The following SLC44A1 variants were observed in gnomAD, a reference collection of about 807,000 sequenced individuals.
SLC44A1 encodes choline transporter-like protein 1.
A neutral mutation model predicts 79.3 loss-of-function variants in SLC44A1; 26 were observed. That is an observed-to-expected ratio of 0.33 (90% CI 0.24 to 0.46). The LOEUF is 0.46. Ranked by LOEUF, SLC44A1 falls within the 20% of genes least tolerant of loss-of-function variation. SLC44A1 has a pLI of 1.00. For missense variants in SLC44A1, 688 were observed against 798.1 expected (o/e 0.86, Z 1.66); for synonymous variants, 263 against 286.2 (o/e 0.92, Z 0.82).
At chr9:105,299,332 T>C in intron 2 of SLC44A1, 23 bp downstream of exon 2, 1 of 1,508,720 alleles carries the variant, frequency 6.6e-7, no homozygotes, top group East Asian at 2.4e-5. Flanking sequence ...TCACAGATGG[T>C]CCAAACTGGA....
chr9:105,280,677 A>G (rs1262042773), intron 1 of SLC44A1, among the ~76,000 whole-genome samples: 1 of 152,204 alleles, frequency 6.6e-6, no homozygotes, highest in Non-Finnish European at 1.5e-5. Flanking sequence ...ATTTGGCTGT[A>G]CAAAAATTTG....
chr9:105,373,190 A>G (rs1048878911), intron 12 of SLC44A1, among the ~76,000 whole-genome samples: 7 of 152,184 alleles, frequency 4.6e-5, no homozygotes, highest in African/African-American at 1.7e-4. Context: ...TAGACAACAC[A>G]GTATAAAGTA....
intron 8 of SLC44A1, among the ~76,000 whole-genome samples, chr9:105,361,879 C>T (rs1489099132): frequency 2.0e-5 from 3 of 152,044 alleles, no homozygotes; most frequent in East Asian, 3.9e-4. Context: ...ATAGTGAGAC[C>T]CTGTCTTCAC....
Position 105,383,304 on chromosome 9 carries a change from C to T in SLC44A1, c.1814C>T (p.Thr605Ile), listed in dbSNP as rs1254588109. 1.9e-6 allele frequency: 3 copies of T among 1,613,434 alleles called. No homozygotes were observed. Among genetic ancestry groups the T allele is most frequent in the East Asian group, 2.2e-5 (1 of 44,874 alleles). Residue 605 changes from threonine to isoleucine, a missense_variant, in exon 14 of 16, where the codon ACA (threonine) becomes ATA (isoleucine). Thr to Ile is a moderately conservative substitution (Grantham distance 89). Transcript: ENST00000374720. The stretch of plus-strand genomic sequence containing the variant: ...TTATTCTTGTGTTTTGCCATTGATA[C>T]AAAATACAATGATGGGAGCCCTGGC... ...DVLFLCFAID[T>I]KYNDGSPGRE...
chr9:105,404,978 T>C (rs1829010022), intron 15 of SLC44A1, among the ~76,000 whole-genome samples: 1 of 152,164 alleles, frequency 6.6e-6, no homozygotes, highest in South Asian at 2.1e-4. Flanking sequence ...GCCAAGAATA[T>C]AAAAGTGAAC....
intron 1 of SLC44A1, among the ~76,000 whole-genome samples, chr9:105,287,234 T>C (rs993855908): frequency 1.3e-5 from 2 of 152,240 alleles, no homozygotes; most frequent in African/African-American, 4.8e-5. Context: ...CAAAACATCA[T>C]GTTGTACACC....
intron 1 of SLC44A1, among the ~76,000 whole-genome samples, chr9:105,251,092 G>T (rs1400578495): frequency 6.6e-6 from 1 of 152,098 alleles, no homozygotes; most frequent in Non-Finnish European, 1.5e-5. Flanking sequence ...CTAAATTACT[G>T]TCCTGGTCGC....
chr9:105,364,374 A>G (rs1046553925), intron 9 of SLC44A1, among the ~76,000 whole-genome samples, 181 bp from the exon 10 acceptor site: 6 of 152,230 alleles, frequency 3.9e-5, no homozygotes, highest in Non-Finnish European at 1.5e-5. Flanking sequence ...AAAATGCATA[A>G]TAGTACAATT....
At chr9:105,358,467 C>T (rs2131403404) in intron 7 of SLC44A1, 34 bp downstream of exon 7, 2 of 1,045,108 alleles carry the variant, frequency 1.9e-6, no homozygotes, top group East Asian at 4.7e-5. Context: ...TCTACCTCAG[C>T]CTCTTAACTA....
chr9:105,335,582 C>A lies in SLC44A1; in HGVS notation c.289C>A (p.Pro97Thr). The A allele has an allele frequency of 6.2e-7, 1 of 1,611,378 alleles. No homozygotes were observed. Among genetic ancestry groups the A allele is most frequent in the South Asian group, 1.1e-5 (1 of 90,604 alleles). ...CTTTAGGTATGTATTCTTTTTGGAT[C>A]CATGCAACCTGGACTTGATAAACCG... Reference protein sequence around the residue: ...TQRKYVFFLDPCNLDLINRKI... With the variant: ...TQRKYVFFLDTCNLDLINRKI... The change falls in exon 4 of 16, where the codon CCA becomes ACA. Residue 97 changes from proline (P) to threonine (T), a missense_variant. Pro to Thr is a conservative substitution (Grantham distance 38, BLOSUM62 -1). Coordinates refer to ENST00000374720, the MANE Select transcript of SLC44A1 (RefSeq NM_080546.5).
intron 1 of SLC44A1, among the ~76,000 whole-genome samples, chr9:105,265,570 T>G (rs1829943165): frequency 6.6e-6 from 1 of 152,254 alleles, no homozygotes; most frequent in Non-Finnish European, 1.5e-5. Flanking sequence ...GGATGATTAT[T>G]AATAAAGCTC....
In SLC44A1 at chr9:105,369,823, C is replaced by G. The variant is rs376494835; in HGVS notation, c.1494+3394C>G. Among the ~76,000 whole-genome samples, 3 of 152,316 alleles carry G rather than the reference C, an allele frequency of 2.0e-5. No individual in the cohort carries two copies. In the East Asian group the frequency reaches 5.8e-4, roughly 29 times the overall value. On this transcript the variant is annotated intron_variant, in intron 12 of 15. Coordinates refer to ENST00000374720, the MANE Select transcript of SLC44A1 (RefSeq NM_080546.5). ...GGACAGATGGCCACACAGGCCTGTTCCATGCATGGTGACCCTCTGCCCTAA... is the reference window on the plus strand; with the variant it reads ...GGACAGATGGCCACACAGGCCTGTTGCATGCATGGTGACCCTCTGCCCTAA...
chr9:105,407,399 A>C (rs1403118953), intron 15 of SLC44A1, among the ~76,000 whole-genome samples: 1 of 152,242 alleles, frequency 6.6e-6, no homozygotes, highest in Non-Finnish European at 1.5e-5. Context: ...TTGACAAAGA[A>C]ACATAGAAAA....
Position 105,309,819 on chromosome 9 carries a change from A to G in SLC44A1, c.222A>G (p.Thr74=), listed in dbSNP as rs1831130178. 8 of 1,613,868 alleles carry G rather than the reference A, an allele frequency of 5.0e-6. No homozygotes were observed. The highest frequency in any genetic ancestry group is 3.3e-5 in the South Asian group (3 of 91,074). The change falls in exon 3 of 16, where the codon ACA becomes ACG. Residue 74 remains threonine (T), a synonymous_variant. Coordinates refer to ENST00000374720, the MANE Select transcript of SLC44A1 (RefSeq NM_080546.5). ...GAAATATCTGTGGGCAGAAAAATAC[A>G]AAGTTGGAAGCAATACCAAACAGTG... ...SYGNICGQKN[T]KLEAIPNSGM...
chr9:105,375,026 TG>T (rs948451755), intron 13 of SLC44A1, among the ~76,000 whole-genome samples: 16 of 152,180 alleles, frequency 1.1e-4, no homozygotes, highest in East Asian at 3.8e-4. Flanking sequence ...CTTTCTGTGT[TG>T]TTTTTTTGTT....
At chr9:105,427,041 T>C (rs531003126) in intron 15 of SLC44A1, among the ~76,000 whole-genome samples, 1 of 152,190 alleles carries the variant, frequency 6.6e-6, no homozygotes, top group African/African-American at 2.4e-5. Flanking sequence ...GCTCAAGCAG[T>C]TCTCCCATCT....
rs1554689835 is a variant in SLC44A1 at position 105,394,439 on chromosome 9, G to GTT, written c.*5384_*5385insTT. On this transcript the variant is annotated 3_prime_UTR_variant, in exon 16 of 16. Transcript: ENST00000374720. ...TGTGTATGTGTGTGTGTGTGTGTGT[G>GTT]TGTTTGTGTGTGTGTGTGTGTGTCC... The GTT allele has an allele frequency of 2.4e-6, 2 of 842,550 alleles. No homozygotes were observed. Among genetic ancestry groups the GTT allele is most frequent in the Non-Finnish European group, 2.7e-6 (2 of 735,608 alleles). 52.2% of individuals were successfully genotyped at this position (842,550 alleles called of 1,614,324 possible).
At chr9:105,335,263 G>GA (rs1216096962) in intron 3 of SLC44A1, among the ~76,000 whole-genome samples, 9 of 151,890 alleles carry the variant, frequency 5.9e-5, no homozygotes, top group Non-Finnish European at 1.5e-5. Flanking sequence ...GACAAAATAA[G>GA]AAAAAATTAA....
intron 3 of SLC44A1, among the ~76,000 whole-genome samples, chr9:105,321,482 T>G (rs1307043252): frequency 6.6e-6 from 1 of 152,150 alleles, no homozygotes; most frequent in Non-Finnish European, 1.5e-5. Context: ...AGCAAGGACA[T>G]CATCTTTTTA....
Sources: gnomAD v4.1 joint callset for allele counts (sites outside exome capture counted in the v4.1 genomes callset) on GRCh38, gnomAD v4.1.1 for gene constraint, MANE v1.5 for transcripts, NCBI Gene and HGNC (gene_info 2026-07-23, HGNC 2026-07-21) for gene names.